COL28A1: variants seen among roughly 807,000 people sequenced by gnomAD.
COL28A1 encodes the protein collagen type XXVIII alpha 1 chain, also known as collagen alpha-1(XXVIII) chain.
Under a neutral mutation model 150.2 loss-of-function variants are expected in COL28A1, and 161 were observed. The observed-to-expected ratio is 1.07, with a 90% CI of 0.94 to 1.22. The LOEUF (loss-of-function observed/expected upper bound fraction) is 1.22. Ranked by LOEUF, COL28A1 falls within the 50% of genes most tolerant of loss-of-function variation. COL28A1 has a pLI of 0.00. For synonymous variants in COL28A1, 552 were observed against 469.7 expected (o/e 1.18, Z -2.26); for missense variants, 1,617 against 1,388.3 (o/e 1.16, Z -2.62).
At chr7:7,359,538 G>A (rs1780525176) in intron 34 of COL28A1, among the ~76,000 whole-genome samples, 2 of 152,122 alleles carry the variant, frequency 1.3e-5, no homozygotes, top group Admixed American at 1.3e-4. Flanking sequence ...GTACTCTGGA[G>A]TGCCTTGATT....
chr7:7,452,190 A>G, intron 18 of COL28A1, 129 bp downstream of exon 18: 1 of 1,385,632 alleles, frequency 7.2e-7, no homozygotes, highest in Non-Finnish European at 9.5e-7. Context: ...CCGCACTTAA[A>G]AAGTAAAAGG....
chr7:7,511,812 A>T lies in COL28A1; in HGVS notation c.883-677T>A, dbSNP rs17461538. On this transcript the variant is annotated intron_variant, in intron 8 of 34. Transcript: ENST00000399429. The stretch of plus-strand genomic sequence containing the variant: ...AGCATGCTACATATTTTTCATTATT[A>T]TGCTCTACTTCCCTGTCTTCCCTAG... The T allele has an allele frequency of 5.2e-3, 2,471 of 470,936 alleles. 14 individuals are homozygous for T. Among genetic ancestry groups the T allele is most frequent in the East Asian group, 0.02 (284 of 14,382 alleles). The allele number at this position is 470,936 out of a possible 1,614,324, so 29.2% of individuals were successfully genotyped here. A position where few individuals can be genotyped will look rare whatever the true frequency, so the allele number is the denominator to read the frequency against.
intron 9 of COL28A1, among the ~76,000 whole-genome samples, chr7:7,508,958 C>A (rs1430038055): frequency 6.6e-6 from 1 of 152,112 alleles, no homozygotes; most frequent in African/African-American, 2.4e-5. Context: ...TCCAGCCTCC[C>A]GAGTAGCTGA....
chr7:7,402,653 A>G (rs890929785), intron 27 of COL28A1, among the ~76,000 whole-genome samples: 1 of 152,194 alleles, frequency 6.6e-6, no homozygotes, highest in African/African-American at 2.4e-5. Context: ...TATCTTTTAT[A>G]AAGTAAAGGG....
intron 25 of COL28A1, chr7:7,431,247 T>C: frequency 5.5e-6 from 1 of 182,600 alleles, no homozygotes; most frequent in Non-Finnish European, 1.2e-5. Context: ...TTTATTCATT[T>C]TCCATTCATT....
the COL28A1 span, among the ~76,000 whole-genome samples, chr7:7,542,438 G>GTC: frequency 2.0e-5 from 3 of 152,186 alleles, no homozygotes; most frequent in Non-Finnish European, 1.5e-5. Context: ...TGAAATCTGG[G>GTC]TGGCAGGTAA....
At chr7:7,450,051 G>A (rs536974353) in intron 18 of COL28A1, among the ~76,000 whole-genome samples, 13 of 152,152 alleles carry the variant, frequency 8.5e-5, no homozygotes, top group African/African-American at 3.1e-4. Context: ...ATCAAGACAA[G>A]GAGGTAATAG....
chr7:7,490,027 A>C (rs565531499), intron 12 of COL28A1, among the ~76,000 whole-genome samples: 11 of 152,312 alleles, frequency 7.2e-5, no homozygotes, highest in African/African-American at 2.6e-4. Flanking sequence ...ATCCTGCATC[A>C]AAGTCTTATT....
At position 7,373,251 on chromosome 7, in the gene COL28A1, G is replaced by C. The variant is rs368864863; in HGVS notation, c.2655C>G (p.Asn885Lys). ...TYTATALQAA[N>K]DMFEDARPGV... Reference sequence around the variant, plus strand: ...CTGGCCTTGCATCTTCAAACATGTCGTTGGCTGCTTGCAGAGCAGTGGCTG... The same window carrying C: ...CTGGCCTTGCATCTTCAAACATGTCCTTGGCTGCTTGCAGAGCAGTGGCTG... The change falls in exon 32 of 35, where the codon AAC (asparagine) becomes AAG (lysine). Residue 885 changes from asparagine (N) to lysine (K), a missense_variant. Asn to Lys is a moderately conservative substitution (Grantham distance 94). Coordinates refer to ENST00000399429, the MANE Select transcript of COL28A1 (RefSeq NM_001037763.3). This position sits in a 1 kb window ranked among gnomAD's most constrained non-coding sequence, Gnocchi z 4.1. 1 of 1,614,004 alleles carries C rather than the reference G, an allele frequency of 6.2e-7. No homozygotes were observed. Among genetic ancestry groups the C allele is most frequent in the South Asian group, 1.1e-5 (1 of 91,080 alleles).
chr7:7,455,988 C>A, intron 16 of COL28A1, 56 bp downstream of exon 16: 1 of 1,605,796 alleles, frequency 6.2e-7, no homozygotes, highest in Non-Finnish European at 8.5e-7. Context: ...TCAATGAAGA[C>A]CAGGATTGGG....
At chr7:7,510,510 C>G (rs191045442) in intron 9 of COL28A1, among the ~76,000 whole-genome samples, 186 of 152,324 alleles carry the variant, frequency 1.2e-3, no homozygotes, top group Middle Eastern at 0.01. Flanking sequence ...GTCTCAAACT[C>G]CTGACCTCAG....
At position 7,373,536 on chromosome 7, in the gene COL28A1, G is replaced by C. The variant is rs1237856822; in HGVS notation, c.2370C>G (p.Pro790=). The C allele has an allele frequency of 6.2e-7, 1 of 1,608,888 alleles. No homozygotes were observed. The highest frequency in any genetic ancestry group is 8.5e-7 in the Non-Finnish European group (1 of 1,177,340). ...KLITEICGCG[P]KCKETPLELV... The stretch of plus-strand genomic sequence containing the variant: ...GCTCTAGTGGAGTCTCTTTGCATTT[G>C]GGCCCACAACCTAAAAGATGAATGT... Residue 790 remains proline (P), a synonymous_variant, in exon 32 of 35, where the codon CCC becomes CCG. Transcript: ENST00000399429. The surrounding 1 kb of genome is among the most constrained non-coding windows in gnomAD (Gnocchi z 4.1).
intron 15 of COL28A1, among the ~76,000 whole-genome samples, chr7:7,473,667 C>A (rs1257236022): frequency 1.3e-5 from 2 of 152,096 alleles, no homozygotes; most frequent in Non-Finnish European, 2.9e-5. Context: ...ATCATTTGAT[C>A]CAGCAATCCC....
Position 7,452,332 on chromosome 7 carries a change from A to C in COL28A1, c.1496T>G (p.Val499Gly), listed in dbSNP as rs1420121382. The change falls in exon 18 of 35, where the codon GTA (valine) becomes GGA (glycine). Residue 499 changes from valine (V) to glycine (G), a missense_variant. Transcript: ENST00000399429. ...CAGTCAACTCACCTTTGGACCTTGTACTCCAATTCCCACTGGTCCTCGAGG... is the reference window on the plus strand; with the variant it reads ...CAGTCAACTCACCTTTGGACCTTGTCCTCCAATTCCCACTGGTCCTCGAGG... ...TGPRGPVGIG[V>G]QGPKGEPGSI... is the part of the protein sequence containing the mutation. 1.2e-6 allele frequency: 2 copies of C among 1,604,932 alleles called. No homozygotes were observed. The highest frequency in any genetic ancestry group is 8.5e-7 in the Non-Finnish European group (1 of 1,177,958).
At chr7:7,535,931 G>C (rs940406274), upstream of COL28A1, 5 of 152,186 alleles carry the variant, frequency 3.3e-5, no homozygotes, top group Non-Finnish European at 5.9e-5. Context: ...CAAAGCAAGA[G>C]TGGTCAGGCA....
At chr7:7,482,047 C>T (rs963639032) in intron 13 of COL28A1, among the ~76,000 whole-genome samples, 2 of 152,086 alleles carry the variant, frequency 1.3e-5, no homozygotes, top group Non-Finnish European at 2.9e-5. Context: ...AAAAGTAGGT[C>T]TCGGAGCTAG....
intron 27 of COL28A1, among the ~76,000 whole-genome samples, chr7:7,412,615 T>C (rs148535513): frequency 6.6e-6 from 1 of 152,066 alleles, no homozygotes; most frequent in Non-Finnish European, 1.5e-5. Context: ...ACACATACTA[T>C]CTAATTTCAA....
chr7:7,417,019 T>C (rs760304084), intron 27 of COL28A1, among the ~76,000 whole-genome samples: 4 of 151,778 alleles, frequency 2.6e-5, no homozygotes, highest in Non-Finnish European at 5.9e-5. Flanking sequence ...TAAATGTATG[T>C]AAAATAAAAA....
At chr7:7,351,438 A>G (rs1331209678), downstream of COL28A1, among the ~76,000 whole-genome samples, 23 of 152,182 alleles carry the variant, frequency 1.5e-4, no homozygotes, top group Admixed American at 1.5e-3. Context: ...TGGCAGAGAT[A>G]ATAACCTTCC....
Sources: gnomAD v4.1 joint callset for allele counts (sites outside exome capture counted in the v4.1 genomes callset) on GRCh38, gnomAD v4.1.1 for gene constraint, Gnocchi (gnomAD v3.1) non-coding constraint, MANE v1.5 for transcripts, NCBI Gene and HGNC (gene_info 2026-07-23, HGNC 2026-07-21) for gene names.